The following RNF157 variants were observed in gnomAD, a reference collection of about 807,000 sequenced individuals.
RNF157 encodes the protein E3 ubiquitin ligase RNF157.
Under a neutral mutation model 88.3 loss-of-function variants are expected in RNF157, and 55 were observed. The observed-to-expected ratio is 0.62, with a 90% CI of 0.50 to 0.78. RNF157 has a LOEUF of 0.78. Ranked by LOEUF, RNF157 falls within the 30% of genes least tolerant of loss-of-function variation. The pLI is 0.00. For missense variants in RNF157, 788 were observed against 860.8 expected (o/e 0.92, Z 1.06); for synonymous variants, 334 against 341.2 (o/e 0.98, Z 0.23).
At chr17:76,166,027 T>C (rs979621325) in intron 6 of RNF157, among the ~76,000 whole-genome samples, 4 of 151,778 alleles carry the variant, frequency 2.6e-5, no homozygotes, top group African/African-American at 9.7e-5. Context: ...CAGGCTGGAG[T>C]GCAGTGGCAC....
intron 2 of RNF157, 107 bp downstream of exon 2, chr17:76,212,257 A>G: frequency 2.6e-6 from 2 of 770,204 alleles, no homozygotes; most frequent in Admixed American, 1.9e-5. Flanking sequence ...CTCTCAACTC[A>G]GACCAAGCTA....
At chr17:76,179,225 T>C (rs1307933436) in intron 2 of RNF157, among the ~76,000 whole-genome samples, 2 of 151,436 alleles carry the variant, frequency 1.3e-5, no homozygotes, top group African/African-American at 2.4e-5. Flanking sequence ...CGAGACTTTG[T>C]CCCCACAAAA....
intron 2 of RNF157, among the ~76,000 whole-genome samples, chr17:76,193,606 C>T (rs946160673): frequency 4.6e-5 from 7 of 151,602 alleles, no homozygotes; most frequent in Admixed American, 1.3e-4. Flanking sequence ...CTGAGATTCT[C>T]GGTTTAGGAT....
chr17:76,167,264 C>A (rs1409671144), intron 4 of RNF157, 138 bp from the exon 5 acceptor site: 21 of 713,228 alleles, frequency 2.9e-5, no homozygotes, highest in Non-Finnish European at 5.0e-5. Flanking sequence ...AATCCATTTC[C>A]TTTGCTCTTG....
chr17:76,213,988 T>A (rs955893874), intron 1 of RNF157, among the ~76,000 whole-genome samples: 1 of 152,140 alleles, frequency 6.6e-6, no homozygotes, highest in Non-Finnish European at 1.5e-5. Flanking sequence ...GTAATATCCT[T>A]GATAATAAAC....
chr17:76,227,056 AAAC>A (rs2070103058), intron 1 of RNF157, among the ~76,000 whole-genome samples: 1 of 152,036 alleles, frequency 6.6e-6, no homozygotes, highest in South Asian at 2.1e-4. Flanking sequence ...CGTGCGGAAA[AAAC>A]TACATCTGTG....
intron 2 of RNF157, among the ~76,000 whole-genome samples, chr17:76,182,608 CTG>C (rs1399920511): frequency 3.3e-5 from 5 of 151,322 alleles, no homozygotes; most frequent in African/African-American, 9.7e-5. Context: ...ACATCTTACT[CTG>C]TGTGTAAATT....
At chr17:76,156,907 T>C (rs888120514) in intron 13 of RNF157, among the ~76,000 whole-genome samples, 1 of 150,856 alleles carries the variant, frequency 6.6e-6, no homozygotes, top group Admixed American at 6.6e-5. Flanking sequence ...CATAATCCCT[T>C]CCCTTCCCTC....
At chr17:76,221,399 T>C (rs899668580) in intron 1 of RNF157, among the ~76,000 whole-genome samples, 1 of 152,058 alleles carries the variant, frequency 6.6e-6, no homozygotes, top group Admixed American at 6.6e-5. Context: ...TTATAGGGAA[T>C]AAAACAGAAC....
chr17:76,199,647 A>G (rs973152204), intron 2 of RNF157, among the ~76,000 whole-genome samples: 5 of 151,576 alleles, frequency 3.3e-5, no homozygotes, highest in African/African-American at 7.3e-5. Flanking sequence ...CACTGATTCA[A>G]CTTCTCTGGG....
intron 9 of RNF157, 196 bp from the exon 10 acceptor site, chr17:76,162,198 T>C: frequency 1.6e-6 from 1 of 630,804 alleles, no homozygotes; most frequent in Non-Finnish European, 2.7e-6. Flanking sequence ...TTATCTAAAA[T>C]TGAGAGGACG....
intron 2 of RNF157, among the ~76,000 whole-genome samples, chr17:76,174,750 A>C (rs1022406754): frequency 3.3e-5 from 5 of 152,202 alleles, no homozygotes; most frequent in Non-Finnish European, 7.3e-5. Flanking sequence ...TTACTTGGGA[A>C]ACAATATAGT....
At chr17:76,197,995 T>C (rs1355134177) in intron 2 of RNF157, among the ~76,000 whole-genome samples, 2 of 152,184 alleles carry the variant, frequency 1.3e-5, no homozygotes, top group African/African-American at 4.8e-5. Context: ...CCCTTCATGA[T>C]TACACAGAGG....
intron 17 of RNF157, 28 bp from the exon 18 acceptor site, chr17:76,152,493 G>A: frequency 7.1e-7 from 1 of 1,414,278 alleles, no homozygotes; most frequent in Non-Finnish European, 1.0e-6. Context: ...CAGTTAGAGA[G>A]GGGCTGGCTG....
intron 2 of RNF157, among the ~76,000 whole-genome samples, chr17:76,190,872 C>T (rs2068517257): frequency 6.6e-6 from 1 of 151,338 alleles, no homozygotes; most frequent in African/African-American, 2.4e-5. Context: ...CGTGCCACTG[C>T]ACTCCAGCCT....
chr17:76,237,164 C>T (rs1403687574), intron 1 of RNF157, among the ~76,000 whole-genome samples: 4 of 152,228 alleles, frequency 2.6e-5, no homozygotes, highest in Non-Finnish European at 4.4e-5. Flanking sequence ...ACCCAAGTCT[C>T]AACTTGAAAT....
chr17:76,205,532 C>T (rs1264223566), intron 2 of RNF157, among the ~76,000 whole-genome samples: 1 of 151,870 alleles, frequency 6.6e-6, no homozygotes, highest in Non-Finnish European at 1.5e-5. Context: ...TGAGACCATC[C>T]TGGCCAAGAT....
chr17:76,204,342 A>G (rs2069641194), intron 2 of RNF157, among the ~76,000 whole-genome samples: 1 of 152,122 alleles, frequency 6.6e-6, no homozygotes. Context: ...TTCCCTGGAG[A>G]GAGGGCATCC....
chr17:76,213,879 C>T (rs1365720066), intron 1 of RNF157, among the ~76,000 whole-genome samples: 1 of 152,192 alleles, frequency 6.6e-6, no homozygotes, highest in Admixed American at 6.5e-5. Context: ...CAGGGGAACA[C>T]TTACAGGTTT....
Sources: gnomAD v4.1 joint callset for allele counts (sites outside exome capture counted in the v4.1 genomes callset) on GRCh38, gnomAD v4.1.1 for gene constraint, MANE v1.5 for transcripts, NCBI Gene and HGNC (gene_info 2026-07-23, HGNC 2026-07-21) for gene names.